Variants in TMTC1 observed in about 807,000 individuals in gnomAD.
The protein encoded by TMTC1 is protein O-mannosyl-transferase TMTC1.
Under a neutral mutation model 104.8 loss-of-function variants are expected in TMTC1, and 73 were observed. That is an observed-to-expected ratio of 0.70 (90% confidence interval 0.58 to 0.85). The LOEUF is 0.85. Among genes scored for constraint, TMTC1 ranks in the 40% least tolerant of loss-of-function variants. The pLI is 0.00. For missense variants in TMTC1, 1,035 were observed against 1,096.1 expected (o/e 0.94, Z 0.79); for synonymous variants, 434 against 428.7 (o/e 1.01, Z -0.15).
At chr12:29,784,629 G>A (rs528445079), upstream of TMTC1, 4 of 152,386 alleles carry the variant, frequency 2.6e-5, no homozygotes, top group Non-Finnish European at 5.9e-5. Flanking sequence ...TTCTTGGCCC[G>A]CACTTACAAA....
At chr12:29,695,791 T>TATATA (rs1941399068) in intron 5 of TMTC1, among the ~76,000 whole-genome samples, 1 of 95,272 alleles carries the variant, frequency 1.0e-5, no homozygotes, top group East Asian at 3.2e-4. Flanking sequence ...ACTACTTCCT[T>TATATA]TTTATATATA....
intron 5 of TMTC1, among the ~76,000 whole-genome samples, chr12:29,638,160 G>A (rs780380614): frequency 2.6e-5 from 4 of 152,028 alleles, no homozygotes; most frequent in Admixed American, 6.6e-5. Context: ...TCCTGTTTTC[G>A]TGCCCAAATG....
chr12:29,614,752 A>G (rs1216942904), intron 6 of TMTC1, among the ~76,000 whole-genome samples: 2 of 152,220 alleles, frequency 1.3e-5, no homozygotes, highest in African/African-American at 4.8e-5. Context: ...AAAAGTAAGA[A>G]CTTAATCCAA....
At chr12:29,647,756 G>C (rs752308094) in intron 5 of TMTC1, among the ~76,000 whole-genome samples, 1 of 152,118 alleles carries the variant, frequency 6.6e-6, no homozygotes, top group South Asian at 2.1e-4. Flanking sequence ...GTTTATCCAG[G>C]ACCAAATCTC....
chr12:29,638,987 C>A (rs571802266), intron 5 of TMTC1, among the ~76,000 whole-genome samples: 10 of 152,340 alleles, frequency 6.6e-5, no homozygotes, highest in Middle Eastern at 3.4e-3. Context: ...TCTTTAGCAT[C>A]TTCTTCCCCT....
intron 5 of TMTC1, among the ~76,000 whole-genome samples, chr12:29,664,003 C>T (rs540997308): frequency 7.3e-5 from 11 of 151,550 alleles, no homozygotes; most frequent in Admixed American, 2.0e-4. Context: ...CCGGCTAAAA[C>T]GGTGAAACCC....
At chr12:29,567,800 G>A (rs1301422137) in intron 9 of TMTC1, among the ~76,000 whole-genome samples, 3 of 152,152 alleles carry the variant, frequency 2.0e-5, no homozygotes, top group Non-Finnish European at 4.4e-5. Flanking sequence ...CCCAAGCTGT[G>A]CCTTAGGGTC....
chr12:29,572,131 C>A lies in TMTC1; in HGVS notation c.1506G>T (p.Ala502=). 6.2e-7 allele frequency: 1 copy of A among 1,613,936 alleles called. No homozygotes were observed. The highest frequency in any genetic ancestry group is 8.5e-7 in the Non-Finnish European group (1 of 1,179,832). The change falls in exon 9 of 18, where the codon GCG becomes GCT. Residue 502 remains alanine, a synonymous_variant. Coordinates refer to ENST00000539277, the MANE Select transcript of TMTC1 (RefSeq NM_001193451.2). ...TGAGAGCTGTTCTGTAGTGGTAGAT[C>A]GCTTCCTTGTTCCGACCTTGGTCCT... ...FLKDQGRNKE[A]IYHYRTALKL... is the part of the protein sequence containing the mutation.
intron 5 of TMTC1, chr12:29,660,031 C>A: frequency 7.0e-7 from 1 of 1,425,214 alleles, no homozygotes. Context: ...ATAATCTCCA[C>A]CCTTTTTGCA....
At chr12:29,671,199 G>A (rs938330527) in intron 5 of TMTC1, among the ~76,000 whole-genome samples, 128 of 151,358 alleles carry the variant, frequency 8.5e-4, no homozygotes, top group African/African-American at 2.8e-3. Flanking sequence ...AGGAGGCTGA[G>A]GCAGGAGAAT....
Position 29,528,937 on chromosome 12 carries a change from G to GTTTATATTTTTATAAA in TMTC1, c.1785+7271_1785+7272insTTTATAAAAATATAAA, listed in dbSNP as rs1426517106. ...AGCAAAAAAAATAGCGAGAATAGTG[G>GTTTATATTTTTATAAA]CATTAGTTTATATTTTTGTAAATCT... On this transcript the variant is annotated intron_variant, in intron 11 of 17. Transcript: ENST00000539277. Among the ~76,000 whole-genome samples the GTTTATATTTTTATAAA allele has an allele frequency of 3.2e-4, 48 of 152,052 alleles. 1 individual carries two copies. Among genetic ancestry groups the GTTTATATTTTTATAAA allele is most frequent in the African/African-American group, 9.2e-4 (38 of 41,494 alleles).
rs115970501 is a variant in TMTC1 at position 29,738,379 on chromosome 12, T to C, written c.938+13287A>G. Among the ~76,000 whole-genome samples, 929 of 152,286 alleles carry C rather than the reference T, an allele frequency of 6.1e-3. 7 individuals are homozygous for C. The highest frequency in any genetic ancestry group is 0.022 in the African/African-American group (903 of 41,556). On this transcript the variant is annotated intron_variant, in intron 5 of 17. Coordinates refer to ENST00000539277, the MANE Select transcript of TMTC1 (RefSeq NM_001193451.2). ...CAACATACTATTTTCCTTACGTGAA[T>C]ACCGAACTTTGTTTCTCACTATTGA...
At position 29,717,017 on chromosome 12, in the gene TMTC1, G is replaced by A. The variant is rs1052699518; in HGVS notation, c.938+34649C>T. On this transcript the variant is annotated intron_variant, in intron 5 of 17. Coordinates refer to ENST00000539277, the MANE Select transcript of TMTC1 (RefSeq NM_001193451.2). ...AGCCTGGGCAACAGAGCAAGACTCC[G>A]TCTCAAAAAACAAACAAACAAACAA... 7.9e-5 allele frequency among the ~76,000 whole-genome samples: 12 copies of A among 151,912 alleles called. 1 individual carries two copies. In the South Asian group the frequency reaches 8.3e-4, roughly 11 times the overall value.
At chr12:29,664,186 CA>C (rs1282668073) in intron 5 of TMTC1, among the ~76,000 whole-genome samples, 1 of 127,108 alleles carries the variant, frequency 7.9e-6, no homozygotes, top group African/African-American at 2.9e-5. Flanking sequence ...GACTCCGTCT[CA>C]AAAAAATAAA....
intron 17 of TMTC1, 121 bp downstream of exon 17, chr12:29,511,922 G>A (rs1224551735): frequency 1.2e-5 from 12 of 984,340 alleles, no homozygotes. Flanking sequence ...CCATACTTTT[G>A]ATATTCAAAT....
At chr12:29,579,158 AT>A (rs1378490763) in intron 8 of TMTC1, among the ~76,000 whole-genome samples, 2 of 152,198 alleles carry the variant, frequency 1.3e-5, no homozygotes, top group Non-Finnish European at 2.9e-5. Flanking sequence ...GTTGATCAAC[AT>A]TTGATGCTTA....
chr12:29,577,782 T>C (rs1945865349), intron 8 of TMTC1, among the ~76,000 whole-genome samples: 1 of 152,168 alleles, frequency 6.6e-6, no homozygotes, highest in Non-Finnish European at 1.5e-5. Context: ...TTATAAAATA[T>C]CCTTATTTGA....
chr12:29,697,672 G>A (rs904183567), intron 5 of TMTC1, among the ~76,000 whole-genome samples: 1 of 152,188 alleles, frequency 6.6e-6, no homozygotes, highest in South Asian at 2.1e-4. Flanking sequence ...AGACACAGGA[G>A]AGTCAATGCC....
chr12:29,715,647 G>T (rs909219540), intron 5 of TMTC1, among the ~76,000 whole-genome samples: 1 of 152,084 alleles, frequency 6.6e-6, no homozygotes, highest in Non-Finnish European at 1.5e-5. Context: ...CCATTCTCAT[G>T]CTGCTATGAA....
Sources: allele counts gnomAD v4.1 joint callset (sites outside exome capture counted in the v4.1 genomes callset), GRCh38; gene constraint gnomAD v4.1.1; transcripts MANE v1.5; gene names NCBI Gene and HGNC (gene_info 2026-07-23, HGNC 2026-07-21).